Variants in DNAH11 observed in about 807,000 individuals in gnomAD.
DNAH11 encodes dynein axonemal heavy chain 11, also known as axonemal beta dynein heavy chain 11.
Under a neutral mutation model 526.0 loss-of-function variants are expected in DNAH11, and 442 were observed. The observed-to-expected ratio is 0.84, with a 90% CI of 0.78 to 0.91. DNAH11 has a LOEUF of 0.91. Among genes scored for constraint, DNAH11 ranks in the 40% least tolerant of loss-of-function variants. The pLI, the probability that DNAH11 is intolerant of heterozygous loss-of-function variation, is 0.00. For synonymous variants in DNAH11, 2,461 were observed against 1,935.9 expected, an observed-to-expected ratio of 1.27 and a Z score of -7.12; for missense variants, 6,989 against 5,448.7, an observed-to-expected ratio of 1.28 and a Z score of -8.90.
At chr7:21,727,896 T>C (rs1236791094) in intron 45 of DNAH11, among the ~76,000 whole-genome samples, 3 of 152,190 alleles carry the variant, frequency 2.0e-5, no homozygotes, top group Non-Finnish European at 4.4e-5. Flanking sequence ...GCAGCCTTTC[T>C]CCTCGGTTTG....
intron 36 of DNAH11, among the ~76,000 whole-genome samples, chr7:21,698,600 G>A (rs1475819605): frequency 3.3e-5 from 5 of 152,132 alleles, no homozygotes; most frequent in Admixed American, 3.3e-4. Context: ...TACTTTACTA[G>A]AATAATGGTC....
At chr7:21,789,816 C>CTTTCTTTCTTT (rs1583697590) in intron 61 of DNAH11, among the ~76,000 whole-genome samples, 195 of 70,038 alleles carry the variant, frequency 2.8e-3, no homozygotes, top group South Asian at 5.2e-3. Context: ...TTTTTTCTTT[C>CTTTCTTTCTTT]TTTCTTTCTT....
intron 18 of DNAH11, among the ~76,000 whole-genome samples, chr7:21,603,587 A>G (rs1242523707): frequency 6.6e-6 from 1 of 152,212 alleles, no homozygotes; most frequent in Non-Finnish European, 1.5e-5. Flanking sequence ...AAAGACTATG[A>G]GAATTACTGT....
At chr7:21,674,169 T>G (rs1007393949) in intron 30 of DNAH11, among the ~76,000 whole-genome samples, 6 of 151,570 alleles carry the variant, frequency 4.0e-5, no homozygotes, top group African/African-American at 1.5e-4. Flanking sequence ...AAGCAATTCT[T>G]CTGCCTCAGC....
intron 5 of DNAH11, among the ~76,000 whole-genome samples, chr7:21,563,526 T>A (rs1583484064): frequency 6.6e-6 from 1 of 152,106 alleles, no homozygotes; most frequent in South Asian, 2.1e-4. Flanking sequence ...ATATTTACCA[T>A]GCTTAACATT....
At chr7:21,619,008 A>G in intron 23 of DNAH11, 92 bp from the exon 24 acceptor site, 1 of 1,522,098 alleles carries the variant, frequency 6.6e-7, no homozygotes, top group Non-Finnish European at 9.0e-7. Context: ...ACTTGAGTAT[A>G]TTTTAGTTAA....
At chr7:21,573,924 GTTGT>G (rs1264109627) in intron 8 of DNAH11, among the ~76,000 whole-genome samples, 1 of 152,190 alleles carries the variant, frequency 6.6e-6, no homozygotes, top group African/African-American at 2.4e-5. Flanking sequence ...TTGAAATGCT[GTTGT>G]TTATTTCTCT....
chr7:21,750,454 A>T, intron 54 of DNAH11, 90 bp downstream of exon 54: 1 of 1,488,170 alleles, frequency 6.7e-7, no homozygotes, highest in Non-Finnish European at 9.1e-7. Flanking sequence ...ATGAGTTTGA[A>T]TTTCAGTCAT....
At chr7:21,635,575 C>T (rs1051789883) in intron 25 of DNAH11, among the ~76,000 whole-genome samples, 5 of 152,114 alleles carry the variant, frequency 3.3e-5, no homozygotes, top group East Asian at 1.9e-4. Context: ...CCCCAATACA[C>T]AGTATTTTTT....
At chr7:21,866,863 C>A (rs979675619) in intron 71 of DNAH11, among the ~76,000 whole-genome samples, 200 bp downstream of exon 71, 1 of 152,134 alleles carries the variant, frequency 6.6e-6, no homozygotes, top group Non-Finnish European at 1.5e-5. Flanking sequence ...TCAGCACATT[C>A]TTCCCAAAAA....
rs1462557296 is a variant in DNAH11 at position 21,840,716 on chromosome 7, CTTAAA to C, written c.10692-1822_10692-1818del. On this transcript the variant is annotated intron_variant, in intron 65 of 81. Transcript: ENST00000409508. ...TAAATACATATGATTACTACGTACCCTTAAATTAAAAAAATAACATGAATTAAGCT... is the reference window on the plus strand; with the variant it reads ...TAAATACATATGATTACTACGTACCCTTAAAAAAATAACATGAATTAAGCT... Among the ~76,000 whole-genome samples, 3 of 152,104 alleles carry C rather than the reference CTTAAA, an allele frequency of 2.0e-5. No homozygotes were observed. In the East Asian group the frequency reaches 5.8e-4, roughly 29 times the overall value.
rs1421125848 is a variant in DNAH11 at position 21,683,869 on chromosome 7, G to C, written c.5546G>C (p.Cys1849Ser). The change falls in exon 32 of 82, where the codon TGT (cysteine) becomes TCT (serine). Residue 1849 changes from cysteine to serine, a missense_variant. Transcript: ENST00000409508. The part of the protein sequence containing the change: ...DTQKHCFVNI[C>S]DAQFQYFYEY... ...CAGAAACACTGCTTTGTTAATATTT[G>C]TGATGCCCAGTTCCAGTACTTCTAT... The C allele has an allele frequency of 2.5e-6, 4 of 1,613,720 alleles. No individual in the cohort carries two copies. The highest frequency in any genetic ancestry group is 3.4e-6 in the Non-Finnish European group (4 of 1,179,734).
At chr7:21,667,618 T>C (rs1782469438) in intron 30 of DNAH11, among the ~76,000 whole-genome samples, 1 of 152,098 alleles carries the variant, frequency 6.6e-6, no homozygotes, top group South Asian at 2.1e-4. Flanking sequence ...ATATATGCCA[T>C]TGGATTTCAA....
intron 57 of DNAH11, 56 bp downstream of exon 57, chr7:21,779,160 T>A (rs1787824785): frequency 6.5e-7 from 1 of 1,545,418 alleles, no homozygotes; most frequent in Non-Finnish European, 8.8e-7. Flanking sequence ...AAAATAAACC[T>A]TGGTAGGTGA....
chr7:21,715,869 C>T (rs1056425659), intron 42 of DNAH11, among the ~76,000 whole-genome samples: 3 of 148,550 alleles, frequency 2.0e-5, no homozygotes, highest in Middle Eastern at 3.2e-3. Context: ...CCCTCCCACC[C>T]CCACTTTTTT....
chr7:21,715,179 C>T (rs1784605643), intron 42 of DNAH11, among the ~76,000 whole-genome samples: 1 of 152,210 alleles, frequency 6.6e-6, no homozygotes, highest in Non-Finnish European at 1.5e-5. Flanking sequence ...TAAGGGTAGA[C>T]TTAGAGTCTG....
In DNAH11 at chr7:21,901,409, ATACTAGAAACTAACTCAGGGC is replaced by A; in HGVS notation, c.*157_*177del. ...TCCTTAGAGTGAAAGTCAGAAAAAA[ATACTAGAAACTAACTCAGGGC>A]TGAGCGTGGTGGCACACGACTGTAA... On this transcript the variant is annotated 3_prime_UTR_variant, in exon 82 of 82. Transcript: ENST00000409508. The A allele has an allele frequency of 8.9e-6, 10 of 1,125,296 alleles. No homozygotes were observed. Among genetic ancestry groups the A allele is most frequent in the Non-Finnish European group, 1.2e-5 (10 of 856,304 alleles). 69.7% of individuals were successfully genotyped at this position (1,125,296 alleles called of 1,614,324 possible).
rs536754956 is a variant in DNAH11, at chr7:21,779,101, A to T, written c.9480A>T (p.Arg3160=). ...AGACCATCGCTGATGCTGAGGAGCG[A>T]AAGGTCAGGCTAATTCCAACATTTA... ...REKTIADAEE[R]KVTAIQTEVF... is the part of the protein sequence containing the mutation. Residue 3160 remains arginine (R), a synonymous_variant, in exon 57 of 82, where the codon CGA becomes CGT. Transcript: ENST00000409508. 4.1e-5 allele frequency: 66 copies of T among 1,612,036 alleles called. No individual in the cohort carries two copies. The highest frequency in any genetic ancestry group is 1.7e-4 in the Middle Eastern group (1 of 5,992).
Position 21,705,507 on chromosome 7 carries a change from A to G in DNAH11, c.6516A>G (p.Val2172=), listed in dbSNP as rs757868974. 6.8e-6 allele frequency: 11 copies of G among 1,613,682 alleles called. No individual in the cohort carries two copies. In the South Asian group the frequency reaches 1.1e-4, roughly 16 times the overall value. The change falls in exon 39 of 82, where the codon GTA becomes GTG. Residue 2172 remains valine (V), a synonymous_variant. Transcript: ENST00000409508. ...TGGCTGTGCGGCACTCGGTCTTTGTAGTTGGAAATGCAGGCACAGGAAAGA... is the reference window on the plus strand; with the variant it reads ...TGGCTGTGCGGCACTCGGTCTTTGTGGTTGGAAATGCAGGCACAGGAAAGA... The part of the protein sequence containing the change: ...ELLAVRHSVF[V]VGNAGTGKSK...
Sources: allele counts gnomAD v4.1 joint callset (sites outside exome capture counted in the v4.1 genomes callset), GRCh38; gene constraint gnomAD v4.1.1; transcripts MANE v1.5; gene names NCBI Gene and HGNC (gene_info 2026-07-23, HGNC 2026-07-21).